Variants in RSPO3 observed in about 807,000 individuals in gnomAD.
The protein encoded by RSPO3 is R-spondin-3.
A neutral mutation model predicts 36.5 loss-of-function variants in RSPO3; 17 were observed. The observed-to-expected ratio is 0.47, with a 90% CI of 0.32 to 0.70. The LOEUF is 0.70. RSPO3 is among the 30% of genes least tolerant of loss of function. The pLI, the probability that RSPO3 is intolerant of heterozygous loss-of-function variation, is 0.04. For missense variants in RSPO3, 294 were observed against 322.5 expected (o/e 0.91, Z 0.68); for synonymous variants, 108 against 107.0 (o/e 1.01, Z -0.06).
At chr6:127,123,632 A>G (rs1316703569) in intron 1 of RSPO3, among the ~76,000 whole-genome samples, 4 of 152,132 alleles carry the variant, frequency 2.6e-5, no homozygotes, top group Non-Finnish European at 2.9e-5. Context: ...GAACGTTAGA[A>G]ATGGTAATTT....
chr6:127,142,499 C>A (rs566135086), intron 1 of RSPO3, among the ~76,000 whole-genome samples: 3 of 152,134 alleles, frequency 2.0e-5, no homozygotes, highest in Admixed American at 1.3e-4. Flanking sequence ...AATGTGACTT[C>A]GTACTAATCA....
intron 4 of RSPO3, among the ~76,000 whole-genome samples, chr6:127,160,216 T>A (rs1774683391): frequency 6.6e-6 from 1 of 152,228 alleles, no homozygotes; most frequent in Non-Finnish European, 1.5e-5. Flanking sequence ...ACTGATCAAG[T>A]TTTAGAACCA....
At chr6:127,125,210 A>C (rs1236836401) in intron 1 of RSPO3, among the ~76,000 whole-genome samples, 2 of 152,118 alleles carry the variant, frequency 1.3e-5, no homozygotes, top group Non-Finnish European at 2.9e-5. Context: ...ATGGCTTTTA[A>C]CTGTCCTTAT....
intron 4 of RSPO3, among the ~76,000 whole-genome samples, chr6:127,170,372 A>G (rs974859112): frequency 2.0e-5 from 3 of 151,536 alleles, no homozygotes; most frequent in African/African-American, 7.3e-5. Context: ...ATCATGCACT[A>G]TTGATGGGAA....
rs769967995 is a variant in RSPO3, at chr6:127,119,268, C to T, written c.76C>T (p.Arg26Trp). The T allele has an allele frequency of 6.2e-7, 1 of 1,612,682 alleles. No homozygotes were observed. Among genetic ancestry groups the T allele is most frequent in the East Asian group, 2.2e-5 (1 of 44,822 alleles). Residue 26 changes from arginine (R) to tryptophan (W), a missense_variant, in exon 1 of 5, where the codon CGG (arginine) becomes TGG (tryptophan). Physicochemically the swap from Arg to Trp is moderately radical, Grantham distance 101. Coordinates refer to ENST00000356698, the MANE Select transcript of RSPO3 (RefSeq NM_032784.5). ...ATACATCGGCAGCCAAAACGCCTCCCGGGGAAGGCGCCAGCGAAGAAGTAA... is the reference window on the plus strand; with the variant it reads ...ATACATCGGCAGCCAAAACGCCTCCTGGGGAAGGCGCCAGCGAAGAAGTAA... The part of the protein sequence containing the change: ...MEYIGSQNAS[R>W]GRRQRRMHPN...
intron 1 of RSPO3, among the ~76,000 whole-genome samples, chr6:127,120,553 G>A (rs1434908357): frequency 1.3e-5 from 2 of 152,238 alleles, no homozygotes; most frequent in Non-Finnish European, 2.9e-5. Context: ...AGACGTCGGG[G>A]CAGCGCGGAG....
chr6:127,135,908 C>T (rs1249580453), intron 1 of RSPO3, among the ~76,000 whole-genome samples: 2 of 123,078 alleles, frequency 1.6e-5, no homozygotes, highest in Non-Finnish European at 3.3e-5. Context: ...GCCTAAGCAA[C>T]AAACTGAGAC....
At chr6:127,163,790 C>T (rs1774758252) in intron 4 of RSPO3, among the ~76,000 whole-genome samples, 1 of 152,106 alleles carries the variant, frequency 6.6e-6, no homozygotes. Flanking sequence ...GCTCACTGTT[C>T]TGCCCTCTGT....
At chr6:127,126,507 A>G (rs886397716) in intron 1 of RSPO3, among the ~76,000 whole-genome samples, 11 of 152,106 alleles carry the variant, frequency 7.2e-5, no homozygotes, top group African/African-American at 9.7e-5. Context: ...GGTCACTGGT[A>G]TCATAAGCTG....
chr6:127,181,377 T>A (rs1272843260), intron 4 of RSPO3, among the ~76,000 whole-genome samples: 4 of 151,942 alleles, frequency 2.6e-5, no homozygotes, highest in African/African-American at 9.7e-5. Context: ...ATAATACAGC[T>A]GCTTACCAGG....
chr6:127,196,539 T>C lies in RSPO3; in HGVS notation c.*532T>C, dbSNP rs1323689816. On this transcript the variant is annotated 3_prime_UTR_variant, in exon 5 of 5. Coordinates refer to ENST00000356698, the MANE Select transcript of RSPO3 (RefSeq NM_032784.5). ...GATTTATCATCACAGAAACAACTGT[T>C]TTAAGATTAGTTCCATCACTCTCAT... 4 of 152,206 alleles carry C rather than the reference T, an allele frequency of 2.6e-5. No homozygotes were observed. The highest frequency in any genetic ancestry group is 7.2e-5 in the African/African-American group (3 of 41,436). The allele number at this position is 152,206 out of a possible 1,614,324, so 9.4% of individuals were successfully genotyped here.
At chr6:127,175,807 G>C (rs962329640) in intron 4 of RSPO3, among the ~76,000 whole-genome samples, 3 of 151,504 alleles carry the variant, frequency 2.0e-5, no homozygotes, top group Non-Finnish European at 4.4e-5. Context: ...ATCAAACCTG[G>C]ATATTCTTAA....
At chr6:127,194,946 A>T (rs1775484342) in intron 4 of RSPO3, among the ~76,000 whole-genome samples, 1 of 152,180 alleles carries the variant, frequency 6.6e-6, no homozygotes, top group Non-Finnish European at 1.5e-5. Flanking sequence ...ACCACCCTGC[A>T]TGTAGAGAAA....
intron 1 of RSPO3, among the ~76,000 whole-genome samples, chr6:127,137,033 C>T (rs1164292419): frequency 6.6e-6 from 1 of 152,134 alleles, no homozygotes; most frequent in African/African-American, 2.4e-5. Context: ...GCTGGGTATT[C>T]TCTATGGTAG....
intron 4 of RSPO3, among the ~76,000 whole-genome samples, chr6:127,172,980 A>G (rs944419742): frequency 1.3e-5 from 2 of 151,768 alleles, no homozygotes; most frequent in Non-Finnish European, 1.5e-5. Flanking sequence ...TCTTTTGTCA[A>G]TCTGATCTTT....
At chr6:127,170,204 C>G (rs906306807) in intron 4 of RSPO3, among the ~76,000 whole-genome samples, 2 of 151,552 alleles carry the variant, frequency 1.3e-5, no homozygotes, top group African/African-American at 4.8e-5. Flanking sequence ...CAGATGCTTA[C>G]AAGATGAGAA....
intron 4 of RSPO3, among the ~76,000 whole-genome samples, chr6:127,166,681 C>G: frequency 6.6e-6 from 1 of 151,782 alleles, no homozygotes; most frequent in Non-Finnish European, 1.5e-5. Flanking sequence ...GATGGATAAA[C>G]CAAAGATGTG....
intron 1 of RSPO3, among the ~76,000 whole-genome samples, chr6:127,135,083 C>T (rs891939344): frequency 1.3e-5 from 2 of 152,106 alleles, no homozygotes; most frequent in African/African-American, 4.8e-5. Context: ...TTAGGAAGTG[C>T]CAGGCCAAGT....
rs943330185 is a variant in RSPO3 at position 127,199,073 on chromosome 6, C to T, written c.*3066C>T. Among the ~76,000 whole-genome samples, 1 of 152,172 alleles carries T rather than the reference C, an allele frequency of 6.6e-6. No individual in the cohort carries two copies. On this transcript the variant is annotated 3_prime_UTR_variant, in exon 5 of 5. Coordinates refer to ENST00000356698, the MANE Select transcript of RSPO3 (RefSeq NM_032784.5). ...AGATATTCATTCTCACAAAGGGAGA[C>T]AGCAAAGAAAATGGAAAGTGCACTG...
Sources: gnomAD v4.1 joint callset for allele counts (sites outside exome capture counted in the v4.1 genomes callset) on GRCh38, gnomAD v4.1.1 for gene constraint, MANE v1.5 for transcripts, NCBI Gene and HGNC (gene_info 2026-07-23, HGNC 2026-07-21) for gene names.